Variants in SLCO4A1 observed in about 807,000 individuals in gnomAD.
SLCO4A1 encodes solute carrier organic anion transporter family member 4A1, also known as colon organic anion transporter.
In SLCO4A1, 51 loss-of-function variants were observed where a neutral mutation model predicts 64.6. The ratio of observed to expected loss-of-function variants is 0.79; its 90% CI spans 0.63 to 1.00. The LOEUF (loss-of-function observed/expected upper bound fraction) is 1.00. Among genes scored for constraint, SLCO4A1 ranks in the 50% least tolerant of loss-of-function variants. The pLI is 0.00. For synonymous variants in SLCO4A1, 471 were observed against 444.9 expected (o/e 1.06, Z -0.74); for missense variants, 919 against 980.5 (o/e 0.94, Z 0.84).
Position 62,661,029 on chromosome 20 carries a change from A to AGCCCCCCGCCCCCC in SLCO4A1, c.1010-29_1010-28insCGCCCCCCGCCCCC. ...GAGAAGTCCACCTCCGGGAGCCCCC[A>AGCCCCCCGCCCCCC]GCCCCCAGCCCCAGCTCACTCTGTG... On this transcript the variant is annotated intron_variant, in intron 4 of 11. Coordinates refer to ENST00000217159, the MANE Select transcript of SLCO4A1 (RefSeq NM_016354.4). The surrounding 1 kb of genome is among the most constrained non-coding windows in gnomAD (Gnocchi z 5.2). 6.4e-6 allele frequency: 3 copies of AGCCCCCCGCCCCCC among 468,420 alleles called. No homozygotes were observed. Among genetic ancestry groups the AGCCCCCCGCCCCCC allele is most frequent in the South Asian group, 4.6e-5 (3 of 64,896 alleles). 29.0% of individuals were successfully genotyped at this position (468,420 alleles called of 1,614,324 possible).
chr20:62,643,278 C>T (rs1190677714), intron 1 of SLCO4A1: 5 of 327,078 alleles, frequency 1.5e-5, no homozygotes, highest in Non-Finnish European at 2.4e-5. Context: ...TGTTGGGCTC[C>T]CCTGACCAGG....
At chr20:62,653,226 G>A (rs1982943440) in intron 1 of SLCO4A1, among the ~76,000 whole-genome samples, 1 of 152,312 alleles carries the variant, frequency 6.6e-6, no homozygotes, top group South Asian at 2.1e-4. Flanking sequence ...TGTGGGGACC[G>A]CGCCTCGGCA....
chr20:62,678,532 CT>C (rs71195465), intron 2 of SLCO4A1, among the ~76,000 whole-genome samples: 3,238 of 138,596 alleles, frequency 0.023, 82 homozygotes, highest in African/African-American at 0.073. Flanking sequence ...CAGCGCTATT[CT>C]TTTTTTTTTT....
intron 3 of SLCO4A1, among the ~76,000 whole-genome samples, chr20:62,660,002 CAGTG>C (rs564506038): frequency 3.3e-4 from 50 of 152,356 alleles, no homozygotes; most frequent in African/African-American, 1.1e-3. Flanking sequence ...GGGGAGCTCT[CAGTG>C]AGCTCCAGCT....
intron 1 of SLCO4A1, among the ~76,000 whole-genome samples, chr20:62,646,355 A>G (rs1408995292): frequency 6.6e-6 from 1 of 152,214 alleles, no homozygotes; most frequent in Non-Finnish European, 1.5e-5. Flanking sequence ...GTGCCCAAGG[A>G]CTAGCCTGAG....
At chr20:62,657,411 G>C (rs150354094) in intron 2 of SLCO4A1, among the ~76,000 whole-genome samples, 161 bp downstream of exon 2, 1 of 152,192 alleles carries the variant, frequency 6.6e-6, no homozygotes, top group Non-Finnish European at 1.5e-5. Flanking sequence ...AGGAGGGTCC[G>C]CCCTGAGGCC....
chr20:62,659,247 G>A (rs533361650), intron 3 of SLCO4A1, among the ~76,000 whole-genome samples: 4 of 152,230 alleles, frequency 2.6e-5, no homozygotes, highest in South Asian at 2.1e-4. Context: ...AGAAGACAGC[G>A]ACAGGCAGAG....
At chr20:62,686,809 G>A (rs1988072409), downstream of SLCO4A1, among the ~76,000 whole-genome samples, 6 of 151,856 alleles carry the variant, frequency 4.0e-5, no homozygotes, top group South Asian at 1.0e-3. Flanking sequence ...TGGCCAGGGC[G>A]CCCATTGCAG....
downstream of SLCO4A1, among the ~76,000 whole-genome samples, chr20:62,675,865 C>G (rs555649579): frequency 9.2e-5 from 14 of 152,136 alleles, no homozygotes; most frequent in Admixed American, 6.5e-4. Context: ...AGGAAGGTGC[C>G]GGCCACAGGG....
At chr20:62,689,417 G>A (rs1029729176), downstream of SLCO4A1, among the ~76,000 whole-genome samples, 5 of 152,210 alleles carry the variant, frequency 3.3e-5, no homozygotes, top group Non-Finnish European at 5.9e-5. Flanking sequence ...GCCAGGGCTC[G>A]CAGACATCAC....
intron 2 of SLCO4A1, among the ~76,000 whole-genome samples, chr20:62,683,586 ACCT>A (rs2147117450): frequency 6.6e-6 from 1 of 152,156 alleles, no homozygotes; most frequent in Admixed American, 6.5e-5. Flanking sequence ...TTGTTGGTGC[ACCT>A]TTTCTAGGTT....
chr20:62,655,944 G>A (rs182569065), intron 1 of SLCO4A1, among the ~76,000 whole-genome samples: 3 of 152,338 alleles, frequency 2.0e-5, no homozygotes, highest in Admixed American at 6.5e-5. Flanking sequence ...CTGACACAGC[G>A]AGCGGGGCCA....
intron 2 of SLCO4A1, among the ~76,000 whole-genome samples, chr20:62,684,321 A>G (rs1356751187): frequency 6.6e-6 from 1 of 152,222 alleles, no homozygotes; most frequent in African/African-American, 2.4e-5. Context: ...CCTGGATTAT[A>G]GGAAGTGCAG....
chr20:62,660,870 C>A (rs536467215), intron 4 of SLCO4A1, among the ~76,000 whole-genome samples, 194 bp from the exon 5 acceptor site: 9 of 152,286 alleles, frequency 5.9e-5, no homozygotes, highest in Non-Finnish European at 1.3e-4. Flanking sequence ...ACCTCCAAAC[C>A]CGGCTTGTGC....
At chr20:62,666,105 G>GCCCCGCCC (rs1986206636) in intron 6 of SLCO4A1, 2 of 28,228 alleles carry the variant, frequency 7.1e-5, no homozygotes, top group African/African-American at 1.1e-4. Flanking sequence ...CCCCCGCCCC[G>GCCCCGCCC]CCCCGCCCCC....
intron 8 of SLCO4A1, 32 bp downstream of exon 8, chr20:62,667,942 C>G (rs1476266226): frequency 3.1e-6 from 5 of 1,613,924 alleles, no homozygotes; most frequent in African/African-American, 2.7e-5. Context: ...CGCCCCTGTC[C>G]TCCCCTGGAC....
At position 62,656,845 on chromosome 20, in the gene SLCO4A1, C is replaced by T. The variant is rs1445420680; in HGVS notation, c.391C>T (p.Leu131=). 6.2e-7 allele frequency: 1 copy of T among 1,609,416 alleles called. No individual in the cohort carries two copies. The highest frequency in any genetic ancestry group is 8.5e-7 in the Non-Finnish European group (1 of 1,177,510). Residue 131 remains leucine, a synonymous_variant, in exon 2 of 12, where the codon CTG becomes TTG. Coordinates refer to ENST00000217159, the MANE Select transcript of SLCO4A1 (RefSeq NM_016354.4). ...NGFINTVITS[L]ERRYDLHSYQ... ...CTTCATCAACACAGTCATCACCTCC[C>T]TGGAGCGCCGCTATGACCTGCACAG...
intron 2 of SLCO4A1, among the ~76,000 whole-genome samples, chr20:62,657,535 A>G (rs747177832): frequency 2.0e-5 from 3 of 152,242 alleles, no homozygotes; most frequent in African/African-American, 4.8e-5. Flanking sequence ...CCACCTTGCC[A>G]GGACCAAGGG....
At chr20:62,689,931 C>CTGG (rs1988176505), downstream of SLCO4A1, among the ~76,000 whole-genome samples, 2 of 152,210 alleles carry the variant, frequency 1.3e-5, no homozygotes, top group Non-Finnish European at 2.9e-5. Flanking sequence ...GCGGGGGACC[C>CTGG]GCGTCCCCAC....
Sources: allele counts gnomAD v4.1 joint callset (sites outside exome capture counted in the v4.1 genomes callset), GRCh38; gene constraint gnomAD v4.1.1; non-coding constraint Gnocchi (gnomAD v3.1); transcripts MANE v1.5; gene names NCBI Gene and HGNC (gene_info 2026-07-23, HGNC 2026-07-21).